COL4A6: variants seen among roughly 807,000 people sequenced by gnomAD.
COL4A6 encodes collagen type IV alpha 6 chain, also known as collagen alpha-6(IV) chain.
COL4A6 carries 59 observed loss-of-function variants against 126.7 expected under a neutral mutation model. The ratio of observed to expected loss-of-function variants is 0.47; its 90% CI spans 0.38 to 0.58. The LOEUF is 0.58. Among genes scored for constraint, COL4A6 ranks in the 20% least tolerant of loss-of-function variants. COL4A6 has a pLI of 0.00. For synonymous variants in COL4A6, 547 were observed against 496.6 expected (o/e 1.10, Z -1.35); for missense variants, 1,285 against 1,337.3 (o/e 0.96, Z 0.61).
intron 2 of COL4A6, among the ~76,000 whole-genome samples, chrX:108,356,744 G>A (rs2039969430): frequency 8.9e-6 from 1 of 111,862 alleles, no homozygotes; most frequent in Non-Finnish European, 1.9e-5. Flanking sequence ...CCAAGAAAAA[G>A]TTTAATTAAA....
chrX:108,223,487 T>A (rs1181041524), intron 3 of COL4A6, among the ~76,000 whole-genome samples: 1 of 110,851 alleles, frequency 9.0e-6, no homozygotes, highest in East Asian at 2.8e-4. Flanking sequence ...TGTGGGAACA[T>A]GAAAAAAGAG....
Position 108,175,116 on chromosome X carries a change from C to A in COL4A6, c.2930G>T (p.Gly977Val). Residue 977 changes from glycine (G) to valine (V), a missense_variant, in exon 30 of 45, where the codon GGA (glycine) becomes GTA (valine). By Grantham distance (109) the Gly-to-Val change is moderately radical. Transcript: ENST00000334504. Reference sequence around the variant, plus strand: ...TCTTGGCCCAGGAAATCCATTGGATCCGGCTGAGCCTTGAGAGCCTTTGTC... The same window carrying A: ...TCTTGGCCCAGGAAATCCATTGGATACGGCTGAGCCTTGAGAGCCTTTGTC... ...KGDKGSQGSA[G>V]SNGFPGPRGD... The A allele has an allele frequency of 8.3e-7, 1 of 1,199,414 alleles. No individual in the cohort carries two copies. The highest frequency in any genetic ancestry group is 1.1e-6 in the Non-Finnish European group (1 of 889,655).
At chrX:108,277,676 C>A (rs1447886661) in intron 3 of COL4A6, among the ~76,000 whole-genome samples, 2 of 112,276 alleles carry the variant, frequency 1.8e-5, no homozygotes, top group Non-Finnish European at 3.8e-5. Flanking sequence ...TGAGAACGGG[C>A]AGACTGCCTC....
intron 3 of COL4A6, among the ~76,000 whole-genome samples, chrX:108,232,306 A>C (rs2036329838): frequency 8.9e-6 from 1 of 111,969 alleles, no homozygotes; most frequent in African/African-American, 3.2e-5. Flanking sequence ...GAATTGCAAG[A>C]ATAAAAAAAT....
chrX:108,353,956 C>T lies in COL4A6; in HGVS notation c.64-43128G>A, dbSNP rs1312966498. 5.4e-5 allele frequency among the ~76,000 whole-genome samples: 6 copies of T among 111,536 alleles called. No individual in the cohort carries two copies. The Admixed American group carries it at 5.7e-4, about 11-fold the overall frequency. ...TCACTTGAGGTCAGGAGTTCAAGAC[C>T]AGCCTGGCCAACATGGTGAAACCCT... is the stretch of plus-strand genomic sequence containing the variant. On this transcript the variant is annotated intron_variant, in intron 2 of 44. Coordinates refer to ENST00000334504, the MANE Select transcript of COL4A6 (RefSeq NM_033641.4).
At chrX:108,356,783 G>A (rs945033427) in intron 2 of COL4A6, among the ~76,000 whole-genome samples, 6 of 111,113 alleles carry the variant, frequency 5.4e-5, no homozygotes, top group African/African-American at 2.0e-4. Context: ...GAAGAAACTG[G>A]CAACAAGTCA....
chrX:108,396,493 A>C (rs1436379345), intron 2 of COL4A6, among the ~76,000 whole-genome samples: 2 of 111,731 alleles, frequency 1.8e-5, no homozygotes, highest in African/African-American at 3.3e-5. Context: ...TCTCTCATTA[A>C]GTGTACTCCA....
chrX:108,344,721 A>G (rs2039668600), intron 2 of COL4A6, among the ~76,000 whole-genome samples: 1 of 112,266 alleles, frequency 8.9e-6, no homozygotes, highest in South Asian at 3.7e-4. Flanking sequence ...TTGATTTCAA[A>G]TTGACAAATT....
chrX:108,337,485 C>G (rs780509036), intron 2 of COL4A6, among the ~76,000 whole-genome samples: 2 of 112,973 alleles, frequency 1.8e-5, no homozygotes, highest in East Asian at 5.6e-4. Context: ...CAGTTTCTAA[C>G]AAATTAAAAT....
chrX:108,278,981 T>A (rs1295964643), intron 3 of COL4A6, among the ~76,000 whole-genome samples: 5 of 111,068 alleles, frequency 4.5e-5, no homozygotes, highest in Admixed American at 3.8e-4. Flanking sequence ...CTACAAGAGA[T>A]CCTGAAGGAA....
intron 18 of COL4A6, among the ~76,000 whole-genome samples, chrX:108,192,190 A>G (rs1257148620): frequency 1.8e-5 from 2 of 111,708 alleles, no homozygotes; most frequent in East Asian, 5.7e-4. Flanking sequence ...CAGCAACTCA[A>G]CCCAGGACTC....
intron 8 of COL4A6, among the ~76,000 whole-genome samples, chrX:108,208,987 C>T (rs764399751): frequency 8.9e-6 from 1 of 112,138 alleles, no homozygotes; most frequent in Admixed American, 9.4e-5. Flanking sequence ...GGCAGGAAAA[C>T]AAGTACCTAA....
At chrX:108,310,890 G>C in intron 2 of COL4A6, 62 bp from the exon 3 acceptor site, 1 of 887,697 alleles carries the variant, frequency 1.1e-6, no homozygotes, top group South Asian at 2.2e-5. Flanking sequence ...TGTCCCAGCA[G>C]ACCTAACTCT....
chrX:108,159,353 T>C, intron 44 of COL4A6, 109 bp downstream of exon 44: 3 of 921,327 alleles, frequency 3.3e-6, no homozygotes, highest in African/African-American at 2.0e-5. Context: ...TCCAAGCATT[T>C]CTCTTCTTTT....
chrX:108,281,754 G>T (rs2037837997), intron 3 of COL4A6, among the ~76,000 whole-genome samples: 1 of 110,166 alleles, frequency 9.1e-6, no homozygotes, highest in Admixed American at 9.7e-5. Flanking sequence ...TATACTACAA[G>T]GCTACAGTAA....
At chrX:108,419,240 A>G (rs2041487769) in intron 2 of COL4A6, among the ~76,000 whole-genome samples, 1 of 112,297 alleles carries the variant, frequency 8.9e-6, no homozygotes. Flanking sequence ...TCTAAATACT[A>G]GTAAGAAACA....
intron 37 of COL4A6, among the ~76,000 whole-genome samples, chrX:108,168,475 A>G (rs1166908263): frequency 5.3e-5 from 6 of 112,567 alleles, no homozygotes; most frequent in Admixed American, 1.9e-4. Flanking sequence ...AAACATGCAC[A>G]TAAACAAAAT....
chrX:108,351,480 G>GTGTGTA, intron 2 of COL4A6, among the ~76,000 whole-genome samples: 2 of 108,340 alleles, frequency 1.8e-5, no homozygotes, highest in Admixed American at 9.9e-5. Context: ...GTGTGTGTAT[G>GTGTGTA]TGTGTATGCC....
At chrX:108,214,687 G>A (rs757583427) in intron 5 of COL4A6, among the ~76,000 whole-genome samples, 7 of 112,238 alleles carry the variant, frequency 6.2e-5, no homozygotes, top group African/African-American at 1.9e-4. Flanking sequence ...CTGGATTTTG[G>A]TTAACAGAGC....
Sources: allele counts gnomAD v4.1 joint callset (sites outside exome capture counted in the v4.1 genomes callset), GRCh38; gene constraint gnomAD v4.1.1; transcripts MANE v1.5; gene names NCBI Gene and HGNC (gene_info 2026-07-23, HGNC 2026-07-21).